Variants in FSTL4 observed in about 807,000 individuals in gnomAD.
FSTL4 encodes follistatin-related protein 4.
FSTL4 carries 28 observed loss-of-function variants against 78.2 expected under a neutral mutation model. That is an observed-to-expected ratio of 0.36 (90% CI 0.27 to 0.49). The LOEUF is 0.49. FSTL4 is among the 20% of genes least tolerant of loss of function. FSTL4 has a pLI of 0.98. For synonymous variants in FSTL4, 422 were observed against 440.5 expected (o/e 0.96, Z 0.53); for missense variants, 922 against 1,084.9 (o/e 0.85, Z 2.11).
At chr5:133,662,527 C>A in the FSTL4 span, among the ~76,000 whole-genome samples, 22 of 151,284 alleles carry the variant, frequency 1.5e-4, no homozygotes, top group Non-Finnish European at 3.2e-4. Flanking sequence ...GTTGTCCCTG[C>A]CAAAATGTTT....
At chr5:133,635,703 C>T in the FSTL4 span, among the ~76,000 whole-genome samples, 1 of 152,104 alleles carries the variant, frequency 6.6e-6, no homozygotes, top group Non-Finnish European at 1.5e-5. Context: ...ACGGAGGTTG[C>T]GTTGAGCTGA....
intron 6 of FSTL4, among the ~76,000 whole-genome samples, chr5:133,294,745 T>A (rs956754387): frequency 7.9e-5 from 12 of 152,184 alleles, no homozygotes; most frequent in Non-Finnish European, 8.8e-5. Flanking sequence ...GTTTATTCTG[T>A]CTGGTATCCA....
At chr5:133,766,450 G>T in the FSTL4 span, among the ~76,000 whole-genome samples, 1 of 152,206 alleles carries the variant, frequency 6.6e-6, no homozygotes, top group Non-Finnish European at 1.5e-5. Context: ...GACTCAGCTT[G>T]TATTTTCCTA....
intron 4 of FSTL4, among the ~76,000 whole-genome samples, chr5:133,363,131 C>A (rs183347002): frequency 6.6e-6 from 1 of 152,054 alleles, no homozygotes; most frequent in Non-Finnish European, 1.5e-5. Context: ...AAATAATTAC[C>A]CTTCTTTATT....
intron 3 of FSTL4, among the ~76,000 whole-genome samples, chr5:133,515,878 T>C (rs1399761606): frequency 6.6e-6 from 1 of 152,172 alleles, no homozygotes; most frequent in Non-Finnish European, 1.5e-5. Context: ...AACAATTCCG[T>C]ATATTGAAAA....
At chr5:133,745,544 G>A in the FSTL4 span, among the ~76,000 whole-genome samples, 116 of 152,122 alleles carry the variant, frequency 7.6e-4, 1 homozygote, top group Admixed American at 1.2e-3. Context: ...TTCCCTAAGC[G>A]GGCCAAGTAT....
chr5:133,827,910 G>A, the FSTL4 span, among the ~76,000 whole-genome samples: 24 of 152,270 alleles, frequency 1.6e-4, no homozygotes, highest in Non-Finnish European at 2.2e-4. Context: ...CACCCTGTGC[G>A]TCAGTAGCTA....
chr5:133,386,842 G>T (rs954746855), intron 4 of FSTL4, among the ~76,000 whole-genome samples: 4 of 152,150 alleles, frequency 2.6e-5, no homozygotes, highest in Admixed American at 6.5e-5. Context: ...TTCTTCCTTT[G>T]TAATGTGCTC....
chr5:133,536,090 T>C (rs778892498), intron 3 of FSTL4, among the ~76,000 whole-genome samples: 12 of 152,212 alleles, frequency 7.9e-5, no homozygotes, highest in Non-Finnish European at 1.0e-4. Context: ...AATGAATGAA[T>C]GAACTGAGCA....
intron 6 of FSTL4, among the ~76,000 whole-genome samples, chr5:133,265,941 A>AT (rs1372530081): frequency 6.6e-6 from 1 of 151,902 alleles, no homozygotes; most frequent in Admixed American, 6.6e-5. Flanking sequence ...ACGATGGGGG[A>AT]TTGTCAAATG....
At chr5:133,605,048 T>TC (rs1437153051) in intron 1 of FSTL4, among the ~76,000 whole-genome samples, 18 of 152,238 alleles carry the variant, frequency 1.2e-4, no homozygotes, top group Admixed American at 1.2e-3. Flanking sequence ...CTAAGCATTG[T>TC]GCTGAGGAAA....
At chr5:133,726,914 C>G in the FSTL4 span, among the ~76,000 whole-genome samples, 2 of 152,174 alleles carry the variant, frequency 1.3e-5, no homozygotes, top group Non-Finnish European at 2.9e-5. Flanking sequence ...ATAAAAGCAT[C>G]TTTTTCATTT....
intron 2 of FSTL4, among the ~76,000 whole-genome samples, chr5:133,579,759 AC>A (rs1760361991): frequency 6.6e-6 from 1 of 152,228 alleles, no homozygotes; most frequent in Non-Finnish European, 1.5e-5. Context: ...AAATTAAAAG[AC>A]AAAAAAGGAA....
intron 3 of FSTL4, among the ~76,000 whole-genome samples, chr5:133,493,626 C>T (rs10051447): frequency 0.012 from 1,895 of 152,256 alleles, 40 homozygotes; most frequent in African/African-American, 0.044. Flanking sequence ...AAGCCTTTGC[C>T]ACTAGCCCTG....
At chr5:133,382,767 C>T (rs1225122581) in intron 4 of FSTL4, among the ~76,000 whole-genome samples, 1 of 152,180 alleles carries the variant, frequency 6.6e-6, no homozygotes, top group Non-Finnish European at 1.5e-5. Flanking sequence ...GTAATACATA[C>T]TCCCAGTTAA....
intron 3 of FSTL4, among the ~76,000 whole-genome samples, chr5:133,430,124 G>T (rs1019624986): frequency 3.3e-5 from 5 of 152,212 alleles, no homozygotes; most frequent in Non-Finnish European, 7.3e-5. Flanking sequence ...ACTCTAGATA[G>T]AAAGCTGCTT....
chr5:133,382,938 G>A (rs1755609263), intron 4 of FSTL4, among the ~76,000 whole-genome samples: 1 of 152,240 alleles, frequency 6.6e-6, no homozygotes. Flanking sequence ...CAGGGAGAGA[G>A]AGAGAAGGGG....
intron 7 of FSTL4, 86 bp downstream of exon 7, chr5:133,249,324 C>A: frequency 9.5e-7 from 1 of 1,052,646 alleles, no homozygotes; most frequent in South Asian, 1.3e-5. Context: ...AAAACTCTCC[C>A]GTCCTGCCAC....
the FSTL4 span, among the ~76,000 whole-genome samples, chr5:133,717,129 C>T: frequency 5.3e-5 from 8 of 152,202 alleles, no homozygotes; most frequent in Admixed American, 1.3e-4. Flanking sequence ...ACTAGTTAAA[C>T]GTTAGAAGCA....
Sources: allele counts gnomAD v4.1 joint callset (sites outside exome capture counted in the v4.1 genomes callset), GRCh38; gene constraint gnomAD v4.1.1; transcripts MANE v1.5; gene names NCBI Gene and HGNC (gene_info 2026-07-23, HGNC 2026-07-21).